The following KAZN variants were observed in gnomAD, a reference collection of about 807,000 sequenced individuals.
KAZN encodes the protein kazrin.
In KAZN, 40 loss-of-function variants were observed where a neutral mutation model predicts 87.4. The observed-to-expected ratio is 0.46, with a 90% CI of 0.36 to 0.60. The LOEUF (loss-of-function observed/expected upper bound fraction) is 0.60, where lower values mean the gene tolerates loss of function less well. Among genes scored for constraint, KAZN ranks in the 20% least tolerant of loss-of-function variants. KAZN has a pLI of 0.00. For synonymous variants in KAZN, 466 were observed against 458.3 expected (o/e 1.02, Z -0.22); for missense variants, 898 against 1,073.9 (o/e 0.84, Z 2.29).
intron 1 of KAZN, among the ~76,000 whole-genome samples, chr1:13,983,456 A>G (rs538635039): frequency 6.6e-6 from 1 of 152,154 alleles, no homozygotes; most frequent in Non-Finnish European, 1.5e-5. Flanking sequence ...GGCTGCTCTG[A>G]GTGCAGGGCC....
At chr1:14,237,297 C>A (rs531161874) in intron 2 of KAZN, among the ~76,000 whole-genome samples, 2 of 152,146 alleles carry the variant, frequency 1.3e-5, no homozygotes, top group South Asian at 2.1e-4. Context: ...GAAGGGCCAG[C>A]GTATTTCCCC....
chr1:15,094,307 C>T lies in KAZN; in HGVS notation c.1350C>T (p.Thr450=), dbSNP rs533625453. The T allele has an allele frequency of 1.1e-5, 17 of 1,613,966 alleles. No individual in the cohort carries two copies. The highest frequency in any genetic ancestry group is 4.5e-5 in the East Asian group (2 of 44,884). The change falls in exon 9 of 15, where the codon ACC becomes ACT. Residue 450 remains threonine, a synonymous_variant. Coordinates refer to ENST00000376030, the MANE Select transcript of KAZN (RefSeq NM_201628.3). This position sits in a 1 kb window ranked among gnomAD's most constrained non-coding sequence, Gnocchi z 4.5. ...CTATGTCCCACTGGAAGGCGGGCAC[C>T]GTCCAGGCCTGGCTGGAGGTGGTGA... ...TTPMSHWKAG[T]VQAWLEVVMA...
At chr1:15,060,337 G>A (rs2100524362) in intron 6 of KAZN, 35 bp downstream of exon 6, 1 of 1,612,698 alleles carries the variant, frequency 6.2e-7, no homozygotes, top group Non-Finnish European at 8.5e-7. Flanking sequence ...GGGCCCCTGG[G>A]CCCTGCCCAG....
rs570913192 is a variant in KAZN at position 15,021,187 on chromosome 1, C to T, written c.419-13562C>T. ...CCTGCCTCCCTGTCCACCGGCCATT[C>T]CCTGCTCCATGCTGCCTCTTCCTCC... is the stretch of plus-strand genomic sequence containing the variant. On this transcript the variant is annotated intron_variant, in intron 2 of 14. Transcript: ENST00000376030. The surrounding 1 kb of genome is among the most constrained non-coding windows in gnomAD (Gnocchi z 4.2). Among the ~76,000 whole-genome samples the T allele has an allele frequency of 6.6e-6, 1 of 152,328 alleles. No individual in the cohort carries two copies. Among genetic ancestry groups the T allele is most frequent in the African/African-American group, 2.4e-5 (1 of 41,570 alleles).
At chr1:14,172,428 G>A (rs1260746276) in intron 1 of KAZN, among the ~76,000 whole-genome samples, 2 of 151,936 alleles carry the variant, frequency 1.3e-5, no homozygotes, top group Middle Eastern at 3.2e-3. Context: ...TTGTTTGTTC[G>A]AGCACTATTA....
intron 2 of KAZN, among the ~76,000 whole-genome samples, chr1:14,992,453 G>C: frequency 6.6e-6 from 1 of 152,272 alleles, no homozygotes; most frequent in Admixed American, 6.5e-5. Flanking sequence ...GCCATTATTC[G>C]ATGAGGACCT....
intron 1 of KAZN, among the ~76,000 whole-genome samples, chr1:14,933,225 G>T (rs1660051214): frequency 6.6e-6 from 1 of 151,936 alleles, no homozygotes; most frequent in Non-Finnish European, 1.5e-5. Context: ...CCAAGTAGCT[G>T]AGATTACACA....
chr1:14,560,449 T>A (rs2148526753), intron 2 of KAZN, among the ~76,000 whole-genome samples: 1 of 152,244 alleles, frequency 6.6e-6, no homozygotes, highest in South Asian at 2.1e-4. Context: ...CGTGGTGGTA[T>A]GTGCCTGTAA....
At chr1:14,258,306 C>T (rs953779425) in intron 2 of KAZN, among the ~76,000 whole-genome samples, 4 of 150,506 alleles carry the variant, frequency 2.7e-5, no homozygotes, top group African/African-American at 9.8e-5. Flanking sequence ...AGCTCTGCCT[C>T]CCGGGTTCAC....
chr1:14,467,896 G>A (rs1455510091), intron 2 of KAZN, among the ~76,000 whole-genome samples: 1 of 152,080 alleles, frequency 6.6e-6, no homozygotes, highest in African/African-American at 2.4e-5. Flanking sequence ...CAAACTTCCT[G>A]GTTTGAGTTT....
chr1:14,568,322 C>T (rs373683389), intron 2 of KAZN, among the ~76,000 whole-genome samples: 10 of 152,142 alleles, frequency 6.6e-5, no homozygotes, highest in African/African-American at 1.4e-4. Context: ...AGAGGACCCC[C>T]GCTTCAGAGG....
intron 1 of KAZN, among the ~76,000 whole-genome samples, chr1:13,943,235 A>G (rs6660360): frequency 0.097 from 14,695 of 152,234 alleles, 777 homozygotes; most frequent in Middle Eastern, 0.15. Context: ...AAAGAGCAAC[A>G]AGACAAACAA....
At chr1:14,117,387 C>T (rs2101690660) in intron 1 of KAZN, among the ~76,000 whole-genome samples, 1 of 152,278 alleles carries the variant, frequency 6.6e-6, no homozygotes, top group Non-Finnish European at 1.5e-5. Context: ...CCTGCGCAAG[C>T]TTCTTCTGTT....
At chr1:15,000,035 G>C (rs1371088743) in intron 2 of KAZN, among the ~76,000 whole-genome samples, 1 of 152,182 alleles carries the variant, frequency 6.6e-6, no homozygotes, top group East Asian at 1.9e-4. Context: ...CTTTGCAGCT[G>C]TGACGGAGGA....
chr1:14,873,888 T>C (rs1193824960), intron 1 of KAZN, among the ~76,000 whole-genome samples: 1 of 151,802 alleles, frequency 6.6e-6, no homozygotes, highest in Non-Finnish European at 1.5e-5. Context: ...GTGGATGTGG[T>C]GGGTAGGAGA....
chr1:14,051,337 C>T (rs112528024), intron 1 of KAZN, among the ~76,000 whole-genome samples: 17 of 151,990 alleles, frequency 1.1e-4, no homozygotes, highest in African/African-American at 3.9e-4. Context: ...TAGGACAGGG[C>T]CCCAGTCAAG....
intron 1 of KAZN, among the ~76,000 whole-genome samples, chr1:14,687,347 A>G (rs1641012270): frequency 1.3e-5 from 2 of 152,202 alleles, no homozygotes; most frequent in Admixed American, 1.3e-4. Context: ...GTCAACAAGC[A>G]TTGGTCAGTG....
At chr1:14,025,346 G>T (rs1386932564) in intron 1 of KAZN, among the ~76,000 whole-genome samples, 2 of 152,190 alleles carry the variant, frequency 1.3e-5, no homozygotes, top group African/African-American at 4.8e-5. Context: ...TTGTATTTGT[G>T]TCTCTGCCTC....
intron 1 of KAZN, among the ~76,000 whole-genome samples, chr1:13,913,054 G>A (rs982052531): frequency 6.6e-6 from 1 of 152,162 alleles, no homozygotes; most frequent in African/African-American, 2.4e-5. Context: ...CATCTTGCTG[G>A]ATCATGGGGC....
Sources: gnomAD v4.1 joint callset for allele counts (sites outside exome capture counted in the v4.1 genomes callset) on GRCh38, gnomAD v4.1.1 for gene constraint, Gnocchi (gnomAD v3.1) non-coding constraint, MANE v1.5 for transcripts, NCBI Gene and HGNC (gene_info 2026-07-23, HGNC 2026-07-21) for gene names.